The following REC114 variants were observed in gnomAD, a reference collection of about 807,000 sequenced individuals.
REC114 encodes the protein REC114 meiotic recombination protein.
Under a neutral mutation model 31.3 loss-of-function variants are expected in REC114, and 27 were observed. The ratio of observed to expected loss-of-function variants is 0.86; its 90% confidence interval spans 0.64 to 1.19. The LOEUF (loss-of-function observed/expected upper bound fraction) is 1.19, where lower values mean the gene tolerates loss of function less well. REC114 is among the 50% of genes most tolerant of loss of function. The pLI is 0.00. For synonymous variants in REC114, 134 were observed against 127.7 expected, an observed-to-expected ratio of 1.05 and a Z score of -0.33; for missense variants, 344 against 326.9, an observed-to-expected ratio of 1.05 and a Z score of -0.40.
intron 5 of REC114, among the ~76,000 whole-genome samples, chr15:73,557,313 C>T (rs1894483701): frequency 6.6e-6 from 1 of 151,164 alleles, no homozygotes; most frequent in Admixed American, 6.6e-5. Flanking sequence ...CAAGTGATTC[C>T]CCCACCTTGG....
At chr15:73,486,129 C>T (rs574043751) in intron 2 of REC114, among the ~76,000 whole-genome samples, 3 of 152,008 alleles carry the variant, frequency 2.0e-5, no homozygotes, top group Non-Finnish European at 2.9e-5. Context: ...AATGGAATCT[C>T]GCTCTGTCAC....
chr15:73,520,896 A>G (rs1893928478), intron 2 of REC114, among the ~76,000 whole-genome samples: 1 of 152,136 alleles, frequency 6.6e-6, no homozygotes, highest in South Asian at 2.1e-4. Flanking sequence ...TAATTCATCA[A>G]ACAGACATGC....
intron 2 of REC114, among the ~76,000 whole-genome samples, chr15:73,512,118 C>T (rs1893780317): frequency 7.0e-6 from 1 of 142,320 alleles, no homozygotes; most frequent in Non-Finnish European, 1.5e-5. Flanking sequence ...CTTTATGAAT[C>T]TGGGTGCTCC....
chr15:73,506,517 T>G (rs1893679900), intron 2 of REC114, among the ~76,000 whole-genome samples: 1 of 152,188 alleles, frequency 6.6e-6, no homozygotes, highest in Non-Finnish European at 1.5e-5. Flanking sequence ...CAAGTAGAAG[T>G]GCTATATATA....
intron 2 of REC114, among the ~76,000 whole-genome samples, chr15:73,510,233 GCT>G (rs1241568193): frequency 6.6e-6 from 1 of 152,092 alleles, no homozygotes; most frequent in Admixed American, 6.5e-5. Context: ...TTATGATTTA[GCT>G]CTCTGTTTGT....
At chr15:73,480,596 A>C (rs1893281106) in intron 2 of REC114, among the ~76,000 whole-genome samples, 2 of 151,552 alleles carry the variant, frequency 1.3e-5, no homozygotes, top group Non-Finnish European at 2.9e-5. Context: ...TTGGATTATA[A>C]CGCATTTATA....
intron 1 of REC114, 56 bp downstream of exon 1, chr15:73,443,400 G>T: frequency 6.7e-7 from 1 of 1,501,904 alleles, no homozygotes. Context: ...AGGAGGGGAG[G>T]CTCCGCGAAT....
rs967788223 is a variant in REC114, at chr15:73,531,329, A to C, written c.250-9156A>C. 2.0e-5 allele frequency among the ~76,000 whole-genome samples: 3 copies of C among 152,108 alleles called. No individual in the cohort carries two copies. In the East Asian group the frequency reaches 5.8e-4, roughly 30 times the overall value. On this transcript the variant is annotated intron_variant, in intron 2 of 5. Coordinates refer to ENST00000331090, the MANE Select transcript of REC114 (RefSeq NM_001042367.2). ...TTGTGTACATCTTATCTGTGCATCC[A>C]TTTTCTTAGGTACTTTTCTCCCTTT...
chr15:73,526,756 T>C (rs1894013891), intron 2 of REC114, among the ~76,000 whole-genome samples: 1 of 152,236 alleles, frequency 6.6e-6, no homozygotes, highest in Admixed American at 6.5e-5. Flanking sequence ...TTGCTGGTTT[T>C]TCATATATCT....
chr15:73,491,032 G>A lies in REC114; in HGVS notation c.249+17111G>A, dbSNP rs150481086. ...TGAATTAAAGAAGAACATCGTACATGTTCTTTTTTTGTTGATTTGTATTTC... is the reference window on the plus strand; with the variant it reads ...TGAATTAAAGAAGAACATCGTACATATTCTTTTTTTGTTGATTTGTATTTC... On this transcript the variant is annotated intron_variant, in intron 2 of 5. Coordinates refer to ENST00000331090, the MANE Select transcript of REC114 (RefSeq NM_001042367.2). Among the ~76,000 whole-genome samples, 60 of 152,210 alleles carry A rather than the reference G, an allele frequency of 3.9e-4. No individual in the cohort carries two copies. The East Asian group carries it at 0.011, about 27-fold the overall frequency.
rs774502275 is a variant in REC114 at position 73,486,811 on chromosome 15, C to T, written c.249+12890C>T. On this transcript the variant is annotated intron_variant, in intron 2 of 5. Transcript: ENST00000331090. ...CAGCACTTTGGGAGACTGAGGTGGG[C>T]GGATCACCTGAGGTTGGGAGTTCGC... 3.9e-5 allele frequency among the ~76,000 whole-genome samples: 6 copies of T among 152,026 alleles called. No homozygotes were observed. In the East Asian group the frequency reaches 5.8e-4, roughly 15 times the overall value.
At chr15:73,448,604 T>C (rs1404016183) in intron 1 of REC114, among the ~76,000 whole-genome samples, 2 of 152,176 alleles carry the variant, frequency 1.3e-5, no homozygotes, top group Admixed American at 1.3e-4. Context: ...GCCTGACAGC[T>C]CTGAAGAGAG....
chr15:73,486,359 G>A (rs1893364259), intron 2 of REC114, among the ~76,000 whole-genome samples: 1 of 152,116 alleles, frequency 6.6e-6, no homozygotes, highest in Non-Finnish European at 1.5e-5. Flanking sequence ...GCCTCCCAAA[G>A]TGCTTGGATT....
At chr15:73,559,660 A>G (rs1275951309) in intron 5 of REC114, 92 bp from the exon 6 acceptor site, 2 of 1,227,794 alleles carry the variant, frequency 1.6e-6, no homozygotes, top group Non-Finnish European at 2.2e-6. Context: ...GTATTTCGCT[A>G]ATCTTTCCTT....
chr15:73,497,365 A>G (rs1295302394), intron 2 of REC114, among the ~76,000 whole-genome samples: 1 of 152,196 alleles, frequency 6.6e-6, no homozygotes, highest in East Asian at 1.9e-4. Context: ...TTATTTATTT[A>G]TGTATTTATT....
rs1208024687 is a variant in REC114, at chr15:73,465,912, C to T, written c.160-7920C>T. ...TGTCACCCAGGCTGGAGTGCAGTGG[C>T]GCGATCTCAGCTCATTGCAACCTCT... On this transcript the variant is annotated intron_variant, in intron 1 of 5. Transcript: ENST00000331090. Among the ~76,000 whole-genome samples the T allele has an allele frequency of 5.9e-5, 9 of 152,216 alleles. No homozygotes were observed. In the East Asian group the frequency reaches 7.7e-4, roughly 13 times the overall value.
intron 2 of REC114, among the ~76,000 whole-genome samples, chr15:73,522,608 T>C (rs1165317576): frequency 1.3e-5 from 2 of 152,234 alleles, no homozygotes; most frequent in Admixed American, 6.5e-5. Context: ...GTTGTTTGTA[T>C]CTGTAGTTCA....
At chr15:73,557,414 TAAAAAA>T (rs767116205) in intron 5 of REC114, among the ~76,000 whole-genome samples, 7 of 113,192 alleles carry the variant, frequency 6.2e-5, no homozygotes, top group African/African-American at 2.2e-4. Context: ...ATCAGTAGTT[TAAAAAA>T]AAAAAAAAAA....
chr15:73,552,689 G>A (rs562848998), intron 4 of REC114, among the ~76,000 whole-genome samples: 1 of 152,318 alleles, frequency 6.6e-6, no homozygotes, highest in Admixed American at 6.5e-5. Flanking sequence ...TTCTTGAGAT[G>A]AGATACTACT....
Sources: gnomAD v4.1 joint callset for allele counts (sites outside exome capture counted in the v4.1 genomes callset) on GRCh38, gnomAD v4.1.1 for gene constraint, MANE v1.5 for transcripts, NCBI Gene and HGNC (gene_info 2026-07-23, HGNC 2026-07-21) for gene names.